NAALADL2: variants seen among roughly 807,000 people sequenced by gnomAD.
The protein encoded by NAALADL2 is N-acetylated alpha-linked acidic dipeptidase like 2.
In NAALADL2, 76 loss-of-function variants were observed where a neutral mutation model predicts 87.2. That is an observed-to-expected ratio of 0.87 (90% confidence interval 0.72 to 1.05). The LOEUF (loss-of-function observed/expected upper bound fraction) is 1.05. Among genes scored for constraint, NAALADL2 ranks in the 50% least tolerant of loss-of-function variants. NAALADL2 has a pLI of 0.00. For missense variants in NAALADL2, 1,089 were observed against 945.8 expected, an observed-to-expected ratio of 1.15 and a Z score of -1.99; for synonymous variants, 354 against 331.0, an observed-to-expected ratio of 1.07 and a Z score of -0.75.
At chr3:174,807,232 T>C (rs923668237) in intron 3 of NAALADL2, among the ~76,000 whole-genome samples, 58 of 152,208 alleles carry the variant, frequency 3.8e-4, no homozygotes, top group African/African-American at 1.3e-3. Flanking sequence ...ATGAATATCA[T>C]AATAGCCAGC....
chr3:175,641,316 T>C lies in NAALADL2; in HGVS notation c.1896+13930T>C, dbSNP rs373562121. Among the ~76,000 whole-genome samples the C allele has an allele frequency of 5.8e-4, 89 of 152,344 alleles. 3 individuals are homozygous for C. In the South Asian group the frequency reaches 0.018, roughly 30 times the overall value. ...CAAAGGTCTTACTTTTTGTAAGTTG[T>C]AAAATTATTATTTATATTTTCCTTT... On this transcript the variant is annotated intron_variant, in intron 11 of 13. Coordinates refer to ENST00000454872, the MANE Select transcript of NAALADL2 (RefSeq NM_207015.3).
chr3:175,703,367 C>G (rs1739241471), intron 11 of NAALADL2, among the ~76,000 whole-genome samples: 1 of 152,174 alleles, frequency 6.6e-6, no homozygotes, highest in Non-Finnish European at 1.5e-5. Flanking sequence ...GCATTTTTTA[C>G]TAGTCTGAGG....
intron 3 of NAALADL2, among the ~76,000 whole-genome samples, chr3:174,816,945 G>A (rs1362162499): frequency 2.6e-5 from 4 of 152,148 alleles, no homozygotes; most frequent in Admixed American, 2.0e-4. Context: ...ACTATTCCAA[G>A]GGAGAAAACC....
chr3:174,984,523 A>G (rs1745566727), intron 1 of NAALADL2, among the ~76,000 whole-genome samples: 2 of 152,134 alleles, frequency 1.3e-5, no homozygotes, highest in African/African-American at 4.8e-5. Flanking sequence ...TGCAAAACCC[A>G]ATGGATCAGA....
intron 1 of NAALADL2, among the ~76,000 whole-genome samples, chr3:174,950,730 T>C (rs1172549807): frequency 6.6e-6 from 1 of 152,114 alleles, no homozygotes; most frequent in South Asian, 2.1e-4. Flanking sequence ...AAAAGGCTAG[T>C]CAAACAATTC....
intron 1 of NAALADL2, among the ~76,000 whole-genome samples, chr3:174,933,711 G>T (rs569264533): frequency 2.6e-5 from 4 of 152,220 alleles, no homozygotes; most frequent in Admixed American, 6.5e-5. Flanking sequence ...GTTATTCAAA[G>T]ATATTTTCTA....
At chr3:174,691,145 C>T (rs928465156) in intron 2 of NAALADL2, among the ~76,000 whole-genome samples, 14 of 152,154 alleles carry the variant, frequency 9.2e-5, no homozygotes, top group African/African-American at 3.4e-4. Context: ...GGTGCAGTGG[C>T]TTATGCCTGT....
chr3:174,508,113 G>GTTTTTTTTTTTTT lies in NAALADL2; in HGVS notation c.-183-42456_-183-42455insTTTTTTTTTTTTT, dbSNP rs1560020933. Among the ~76,000 whole-genome samples the GTTTTTTTTTTTTT allele has an allele frequency of 2.4e-3, 219 of 92,916 alleles. 3 individuals are homozygous for GTTTTTTTTTTTTT. The highest frequency in any genetic ancestry group is 8.9e-3 in the East Asian group (28 of 3,160). The allele number at this position is 92,916 out of a possible 152,430, so 61.0% of individuals were successfully genotyped here. A position where few individuals can be genotyped will look rare whatever the true frequency, so the allele number is the denominator to read the frequency against. The stretch of plus-strand genomic sequence containing the variant: ...AAATTTTAGCTATTGGATATCTAGT[G>GTTTTTTTTTTTTT]GTTTTTTTTTTTTTTTTTGAGACGA... On this transcript the variant is annotated intron_variant, in intron 1 of 3. Coordinates refer to the NAALADL2 transcript ENST00000434257.
intron 2 of NAALADL2, among the ~76,000 whole-genome samples, chr3:174,692,558 C>A (rs1365753199): frequency 6.6e-6 from 1 of 151,990 alleles, no homozygotes; most frequent in Non-Finnish European, 1.5e-5. Flanking sequence ...CCTCATGCTG[C>A]TGTTCTGGAA....
intron 13 of NAALADL2, among the ~76,000 whole-genome samples, chr3:175,797,794 A>C (rs771442653): frequency 6.6e-6 from 1 of 152,120 alleles, no homozygotes; most frequent in Non-Finnish European, 1.5e-5. Context: ...AGAAGCTTCC[A>C]TAAGAGTATT....
At chr3:175,577,858 A>G (rs1324828507) in intron 10 of NAALADL2, among the ~76,000 whole-genome samples, 1 of 152,168 alleles carries the variant, frequency 6.6e-6, no homozygotes, top group Non-Finnish European at 1.5e-5. Flanking sequence ...GTGTTAACCT[A>G]TAATAGATAT....
chr3:174,904,308 T>G (rs1732714732), intron 1 of NAALADL2, among the ~76,000 whole-genome samples: 1 of 151,946 alleles, frequency 6.6e-6, no homozygotes, highest in East Asian at 1.9e-4. Flanking sequence ...GTTACCAACT[T>G]ATTAAGAATC....
At chr3:174,558,178 G>A (rs971181253) in intron 2 of NAALADL2, among the ~76,000 whole-genome samples, 5 of 152,038 alleles carry the variant, frequency 3.3e-5, no homozygotes, top group Non-Finnish European at 7.4e-5. Flanking sequence ...GCCAGTCAAG[G>A]GCCAAAGTTG....
At chr3:175,217,395 T>C (rs1742718738) in intron 2 of NAALADL2, among the ~76,000 whole-genome samples, 1 of 152,216 alleles carries the variant, frequency 6.6e-6, no homozygotes, top group South Asian at 2.1e-4. Context: ...TTGTACCACT[T>C]CCTTGCTTAG....
chr3:174,882,617 A>ATACACATATG (rs1244746970), intron 1 of NAALADL2, among the ~76,000 whole-genome samples: 3 of 148,664 alleles, frequency 2.0e-5, no homozygotes, highest in Non-Finnish European at 3.0e-5. Context: ...ATATGTGCAT[A>ATACACATATG]TGCATATATG....
chr3:175,566,875 C>T (rs1717228305), intron 9 of NAALADL2, among the ~76,000 whole-genome samples: 1 of 151,874 alleles, frequency 6.6e-6, no homozygotes, highest in African/African-American at 2.4e-5. Flanking sequence ...TAATTTTTGT[C>T]ATACAGAAAA....
At chr3:175,212,348 G>C (rs1398171731) in intron 2 of NAALADL2, among the ~76,000 whole-genome samples, 1 of 151,274 alleles carries the variant, frequency 6.6e-6, no homozygotes. Flanking sequence ...AAAAAAAAAT[G>C]AGTTATATCC....
intron 11 of NAALADL2, among the ~76,000 whole-genome samples, chr3:175,688,509 A>C (rs1168386904): frequency 6.6e-6 from 1 of 152,164 alleles, no homozygotes; most frequent in Admixed American, 6.6e-5. Context: ...GATGAAGTGC[A>C]AAAGAGTACA....
intron 13 of NAALADL2, among the ~76,000 whole-genome samples, chr3:175,784,501 G>A: frequency 7.4e-6 from 1 of 135,752 alleles, no homozygotes. Flanking sequence ...AGAGGTGTTT[G>A]TAGTATTCTC....
Sources: allele counts gnomAD v4.1 joint callset (sites outside exome capture counted in the v4.1 genomes callset), GRCh38; gene constraint gnomAD v4.1.1; transcripts MANE v1.5; gene names NCBI Gene and HGNC (gene_info 2026-07-23, HGNC 2026-07-21).